RAB32: variants seen among roughly 807,000 people sequenced by gnomAD.
The protein encoded by RAB32 is RAB32, member RAS oncogene family, also known as ras-related protein Rab-32.
RAB32 carries 17 observed loss-of-function variants against 17.5 expected under a neutral mutation model. The ratio of observed to expected loss-of-function variants is 0.97; its 90% CI spans 0.67 to 1.46. RAB32 has a LOEUF of 1.46. RAB32 is among the 40% of genes most tolerant of loss of function. The pLI, the probability that RAB32 is intolerant of heterozygous loss-of-function variation, is 0.00. For missense variants in RAB32, 288 were observed against 284.3 expected (o/e 1.01, Z -0.09); for synonymous variants, 115 against 111.1 (o/e 1.04, Z -0.22).
rs758647031 is a variant in RAB32 at position 146,543,923 on chromosome 6, G to C, written c.52G>C (p.Ala18Pro). 1.9e-6 allele frequency: 3 copies of C among 1,600,004 alleles called. No individual in the cohort carries two copies. The South Asian group carries it at 3.3e-5, about 18-fold the overall frequency. ...CGGCCTGGGGGCGGCCGCCGCCCCA[G>C]CGCCCGAGACCCGCGAGCACCTCTT... Reference protein sequence around the residue: ...DPGLGAAAAPAPETREHLFKV... With the variant: ...DPGLGAAAAPPPETREHLFKV... The change falls in exon 1 of 3, where the codon GCG becomes CCG. Residue 18 changes from alanine to proline, a missense_variant. Coordinates refer to ENST00000367495, the MANE Select transcript of RAB32 (RefSeq NM_006834.5).
chr6:146,554,102 T>G (rs1779929068), intron 2 of RAB32, among the ~76,000 whole-genome samples: 1 of 152,158 alleles, frequency 6.6e-6, no homozygotes, highest in South Asian at 2.1e-4. Context: ...CTGCTTGAAT[T>G]AGATATTCAA....
chr6:146,547,441 C>G (rs1376814069), intron 1 of RAB32, among the ~76,000 whole-genome samples: 2 of 151,926 alleles, frequency 1.3e-5, no homozygotes, highest in African/African-American at 2.4e-5. Context: ...GGCCAAAGGA[C>G]AAATTGGGAA....
chr6:146,554,693 T>C lies in RAB32; in HGVS notation c.*88T>C. ...CAGATGTCATGTTAGCTGGGAGTCT[T>C]CCCACATGTGGCACTTCAAAAGGCA... On this transcript the variant is annotated 3_prime_UTR_variant, in exon 3 of 3. Transcript: ENST00000367495. The C allele has an allele frequency of 1.4e-6, 2 of 1,438,838 alleles. No individual in the cohort carries two copies. The highest frequency in any genetic ancestry group is 1.8e-4 in the Middle Eastern group (1 of 5,408). The allele number at this position is 1,438,838 out of a possible 1,614,324, so 89.1% of individuals were successfully genotyped here. A position where few individuals can be genotyped will look rare whatever the true frequency, so the allele number is the denominator to read the frequency against.
At chr6:146,546,461 A>G (rs1165039286) in intron 1 of RAB32, among the ~76,000 whole-genome samples, 1 of 152,124 alleles carries the variant, frequency 6.6e-6, no homozygotes, top group Non-Finnish European at 1.5e-5. Context: ...ACTGTTTTAG[A>G]GACCAAAAAA....
intron 1 of RAB32, among the ~76,000 whole-genome samples, chr6:146,547,934 C>T (rs550626184): frequency 6.6e-6 from 1 of 152,016 alleles, no homozygotes; most frequent in Non-Finnish European, 1.5e-5. Flanking sequence ...GTTGCTTAGT[C>T]TTTTCATATT....
Position 146,549,631 on chromosome 6 carries a change from C to T in RAB32, c.418C>T (p.Leu140Phe), listed in dbSNP as rs775962937. 54 of 1,614,152 alleles carry T rather than the reference C, an allele frequency of 3.3e-5. No individual in the cohort carries two copies. Among genetic ancestry groups the T allele is most frequent in the Non-Finnish European group, 3.0e-5 (35 of 1,180,022 alleles). Residue 140 changes from leucine to phenylalanine, a missense_variant, in exon 2 of 3, where the codon CTC becomes TTC. Physicochemically the swap from Leu to Phe is conservative, Grantham distance 22. Coordinates refer to ENST00000367495, the MANE Select transcript of RAB32 (RefSeq NM_006834.5). The stretch of plus-strand genomic sequence containing the variant: ...AAATGGCAGCCCTATCCCTGCTGTC[C>T]TCTTGGCTAACAAATGTGACCAGAA... Reference protein sequence around the residue: ...LPNGSPIPAVLLANKCDQNKD... With the variant: ...LPNGSPIPAVFLANKCDQNKD...
chr6:146,546,067 C>T (rs773233956), intron 1 of RAB32, among the ~76,000 whole-genome samples: 6 of 152,204 alleles, frequency 3.9e-5, no homozygotes, highest in African/African-American at 9.6e-5. Context: ...TTTCTGGTAT[C>T]ACCTCTTCTT....
chr6:146,544,141 T>G lies in RAB32; in HGVS notation c.250+20T>G. On this transcript the variant is annotated intron_variant, in intron 1 of 2. Transcript: ENST00000367495. The stretch of plus-strand genomic sequence containing the variant: ...TCGCGGGTAAGCGCGGCCGCGAGTT[T>G]CCCACTCCAGAGCCCCGCCGGGCCG... 6.3e-7 allele frequency: 1 copy of G among 1,599,540 alleles called. No homozygotes were observed. The highest frequency in any genetic ancestry group is 8.5e-7 in the Non-Finnish European group (1 of 1,172,552).
At chr6:146,550,902 G>C (rs991932111) in intron 2 of RAB32, among the ~76,000 whole-genome samples, 2 of 152,070 alleles carry the variant, frequency 1.3e-5, no homozygotes, top group Non-Finnish European at 2.9e-5. Context: ...GATTTCTTGT[G>C]TGTGTTTACG....
At position 146,550,922 on chromosome 6, in the gene RAB32, A is replaced by G. The variant is rs190175161; in HGVS notation, c.528+1181A>G. 4.5e-4 allele frequency among the ~76,000 whole-genome samples: 68 copies of G among 152,180 alleles called. 1 individual carries two copies. Among genetic ancestry groups the G allele is most frequent in the African/African-American group, 1.6e-3 (65 of 41,506 alleles). On this transcript the variant is annotated intron_variant, in intron 2 of 2. Transcript: ENST00000367495. ...CTTGTGTGTGTTTACGGGTGTTTTT[A>G]TATATGTATGTATGTATGATTGTTC... is the stretch of plus-strand genomic sequence containing the variant.
In RAB32 at chr6:146,554,795, C is replaced by T; in HGVS notation, c.*190C>T. 2.0e-6 allele frequency: 1 copy of T among 498,290 alleles called. No individual in the cohort carries two copies. Among genetic ancestry groups the T allele is most frequent in the African/African-American group, 1.9e-5 (1 of 51,578 alleles). The allele number at this position is 498,290 out of a possible 1,614,324, so 30.9% of individuals were successfully genotyped here. Reference sequence around the variant, plus strand: ...CCCTGCTAGTGGCTCTGTAACTTAACAGATGACAATTAGGCTTTTGTCATT... The same window carrying T: ...CCCTGCTAGTGGCTCTGTAACTTAATAGATGACAATTAGGCTTTTGTCATT... On this transcript the variant is annotated 3_prime_UTR_variant, in exon 3 of 3. Transcript: ENST00000367495.
At position 146,549,502 on chromosome 6, in the gene RAB32, A is replaced by G; in HGVS notation, c.289A>G (p.Lys97Glu). ...RFGNMTRVYY[K>E]EAVGAFVVFD... ...TGGCAACATGACCCGAGTATACTAC[A>G]AGGAAGCTGTTGGTGCTTTTGTAGT... The change falls in exon 2 of 3, where the codon AAG becomes GAG. Residue 97 changes from lysine (K) to glutamate (E), a missense_variant. By Grantham distance (56) the Lys-to-Glu change is moderately conservative. Transcript: ENST00000367495. 1.2e-6 allele frequency: 2 copies of G among 1,614,144 alleles called. No homozygotes were observed. Among genetic ancestry groups the G allele is most frequent in the Admixed American group, 1.7e-5 (1 of 60,030 alleles).
At chr6:146,553,423 A>T (rs1779919498) in intron 2 of RAB32, among the ~76,000 whole-genome samples, 1 of 152,164 alleles carries the variant, frequency 6.6e-6, no homozygotes, top group African/African-American at 2.4e-5. Context: ...CTTGTGTTTT[A>T]TTTCTGCCAA....
chr6:146,553,734 A>G (rs1238747177), intron 2 of RAB32, among the ~76,000 whole-genome samples: 1 of 152,200 alleles, frequency 6.6e-6, no homozygotes, highest in Non-Finnish European at 1.5e-5. Context: ...AGATGTTAAC[A>G]TTTGAGAAAT....
chr6:146,551,586 A>G (rs1047296387), intron 2 of RAB32, among the ~76,000 whole-genome samples: 3 of 86,076 alleles, frequency 3.5e-5, no homozygotes, highest in African/African-American at 1.4e-4. Flanking sequence ...TTTGCTGTAA[A>G]AAGACGAAAA....
At chr6:146,549,402 T>C (rs1315292156) in intron 1 of RAB32, 62 bp from the exon 2 acceptor site, 3 of 1,403,864 alleles carry the variant, frequency 2.1e-6, no homozygotes, top group Non-Finnish European at 2.0e-6. Context: ...AAAGGGGTTA[T>C]ACCTAAATGT....
chr6:146,551,173 C>T (rs1779894025), intron 2 of RAB32, among the ~76,000 whole-genome samples: 1 of 152,194 alleles, frequency 6.6e-6, no homozygotes, highest in Non-Finnish European at 1.5e-5. Context: ...ATGTACACTC[C>T]TAAGCTAGAG....
chr6:146,545,697 G>A (rs145127792), intron 1 of RAB32, among the ~76,000 whole-genome samples: 3 of 152,120 alleles, frequency 2.0e-5, no homozygotes, highest in African/African-American at 4.8e-5. Context: ...CCAAAAGTTC[G>A]TTTGAAAAGT....
intron 2 of RAB32, among the ~76,000 whole-genome samples, chr6:146,550,816 G>A (rs1779888059): frequency 6.6e-6 from 1 of 151,924 alleles, no homozygotes; most frequent in Non-Finnish European, 1.5e-5. Flanking sequence ...GAAAAATTCT[G>A]TGATGACAGA....
Sources: gnomAD v4.1 joint callset for allele counts (sites outside exome capture counted in the v4.1 genomes callset) on GRCh38, gnomAD v4.1.1 for gene constraint, MANE v1.5 for transcripts, NCBI Gene and HGNC (gene_info 2026-07-23, HGNC 2026-07-21) for gene names.